Variants in RPUSD1 observed in about 807,000 individuals in gnomAD.
The protein encoded by RPUSD1 is pseudouridylate synthase RPUSD1.
In RPUSD1, 28 loss-of-function variants were observed where a neutral mutation model predicts 22.4. The observed-to-expected ratio is 1.25, with a 90% CI of 0.93 to 1.72. RPUSD1 has a LOEUF of 1.72. Among genes scored for constraint, RPUSD1 ranks in the 40% most tolerant of loss-of-function variants. The pLI is 0.00. For missense variants in RPUSD1, 596 were observed against 442.2 expected, an observed-to-expected ratio of 1.35 and a Z score of -3.12; for synonymous variants, 298 against 201.0, an observed-to-expected ratio of 1.48 and a Z score of -4.08.
chr16:786,631 A>G (rs756507476), intron 5 of RPUSD1, 196 bp downstream of exon 5: 4 of 734,928 alleles, frequency 5.4e-6, no homozygotes, highest in African/African-American at 1.7e-5. Flanking sequence ...CCAGACCCCC[A>G]AGGAATCAGT....
At position 786,134 on chromosome 16, in the gene RPUSD1, T is replaced by C. The variant is rs1333041369; in HGVS notation, c.755A>G (p.Gln252Arg). The C allele has an allele frequency of 6.2e-7, 1 of 1,607,352 alleles. No individual in the cohort carries two copies. Among genetic ancestry groups the C allele is most frequent in the East Asian group, 2.2e-5 (1 of 44,680 alleles). ...AGGGTCGGGGGTGGCCCGTAAGGCC[T>C]GCACGAGCTGGTCCAGCGACTGCAG... Reference protein sequence around the residue: ...TLLQSLDQLVQALRATPDPDP... With the variant: ...TLLQSLDQLVRALRATPDPDP... Residue 252 changes from glutamine to arginine, a missense_variant, in exon 6 of 6, where the codon CAG becomes CGG. Transcript: ENST00000007264.
rs960316121 is a variant in RPUSD1, at chr16:786,490, C to T, written c.512-113G>A. The T allele has an allele frequency of 1.2e-5, 13 of 1,066,814 alleles. No homozygotes were observed. The Admixed American group carries it at 1.3e-4, about 10-fold the overall frequency. 66.1% of individuals were successfully genotyped at this position (1,066,814 alleles called of 1,614,324 possible). On this transcript the variant is annotated intron_variant, in intron 5 of 5. Transcript: ENST00000007264. ...CCCCGCTGCAGTCTTGAAGCAGCCT[C>T]TTGGGGTGGAACTCTCCCTGTCCCC...
At position 787,188 on chromosome 16, in the gene RPUSD1, G is replaced by A. The variant is rs780360485; in HGVS notation, c.307-9C>T. On this transcript the variant is annotated splice_polypyrimidine_tract_variant and intron_variant, in intron 3 of 5. Transcript: ENST00000007264. ...TGGATGTGCCCCCGCAGCTGCAGGA[G>A]AGGGAGAATCGCACGCAGTTCACGG... 38 of 1,598,176 alleles carry A rather than the reference G, an allele frequency of 2.4e-5. No individual in the cohort carries two copies. Among genetic ancestry groups the A allele is most frequent in the Non-Finnish European group, 3.1e-5 (36 of 1,175,998 alleles).
Position 786,558 on chromosome 16 carries a change from T to A in RPUSD1, c.512-181A>T, listed in dbSNP as rs2041921181. 5.2e-6 allele frequency: 4 copies of A among 767,324 alleles called. No homozygotes were observed. The South Asian group carries it at 6.1e-5, about 12-fold the overall frequency. The allele number at this position is 767,324 out of a possible 1,614,324, so 47.5% of individuals were successfully genotyped here. ...ACAGTATTTAGGACAGAAGATTGTG[T>A]TCAGGTCACCACTGGTGAGGACAGG... On this transcript the variant is annotated intron_variant, in intron 5 of 5. Coordinates refer to ENST00000007264, the MANE Select transcript of RPUSD1 (RefSeq NM_058192.3).
chr16:788,201 C>A (rs747157615), intron 1 of RPUSD1, 55 bp downstream of exon 1: 6 of 402,168 alleles, frequency 1.5e-5, no homozygotes, highest in Admixed American at 1.5e-4. Flanking sequence ...GCCCGGTGGG[C>A]AGGCCGACCC....
chr16:786,193 G>A lies in RPUSD1; in HGVS notation c.696C>T (p.Pro232=), dbSNP rs772953421. ...VEVCTPDPFL[P]SLDACWSPHT... ...GGGGGCTCCAGCAGGCATCCAGGGA[G>A]GGCAGGAAGGGGTCAGGCGTGCAGA... The change falls in exon 6 of 6, where the codon CCC becomes CCT. Residue 232 remains proline, a synonymous_variant. Coordinates refer to ENST00000007264, the MANE Select transcript of RPUSD1 (RefSeq NM_058192.3). 1.9e-6 allele frequency: 3 copies of A among 1,612,714 alleles called. No homozygotes were observed. In the Admixed American group the frequency reaches 5.0e-5, roughly 27 times the overall value.
chr16:785,208 T>G lies in RPUSD1; in HGVS notation c.*742A>C, dbSNP rs951183887. The G allele has an allele frequency of 1.3e-5, 2 of 152,530 alleles. No homozygotes were observed. Among genetic ancestry groups the G allele is most frequent in the Non-Finnish European group, 2.9e-5 (2 of 68,276 alleles). 9.4% of individuals were successfully genotyped at this position (152,530 alleles called of 1,614,324 possible). On this transcript the variant is annotated 3_prime_UTR_variant, in exon 6 of 6. Transcript: ENST00000007264. ...GACTGCAGCAGGTTGGTGCTCACAG[T>G]GGATCTGAGGGATGGGCGTGCGTGG...
rs917662573 is a variant in RPUSD1, at chr16:786,908, T to C, written c.430A>G (p.Ser144Gly). ...GSQGCENPKP[S>G]LTDLVVLEHG... ...TCCAGAACCACGAGATCTGTGAGGC[T>C]TGGCTTTGGGTTCTCACAACCTGGG... The change falls in exon 5 of 6, where the codon AGC (serine) becomes GGC (glycine). Residue 144 changes from serine (S) to glycine (G), a missense_variant. Physicochemically the swap from Ser to Gly is moderately conservative, Grantham distance 56. Transcript: ENST00000007264. 1.2e-6 allele frequency: 2 copies of C among 1,613,078 alleles called. No homozygotes were observed. The highest frequency in any genetic ancestry group is 1.7e-5 in the Admixed American group (1 of 60,004).
In RPUSD1 at chr16:788,289, G is replaced by A; in HGVS notation, c.-41C>T. The A allele has an allele frequency of 4.1e-6, 1 of 245,604 alleles. No individual in the cohort carries two copies. Among genetic ancestry groups the A allele is most frequent in the Non-Finnish European group, 7.9e-6 (1 of 125,998 alleles). 15.2% of individuals were successfully genotyped at this position (245,604 alleles called of 1,614,324 possible). A position where few individuals can be genotyped will look rare whatever the true frequency, so the allele number is the denominator to read the frequency against. Reference sequence around the variant, plus strand: ...GGGCCGTGCAGTCCAGGCCCCCGATGCCGTGCCCGGCGCCGGCTCCAGCCG... The same window carrying A: ...GGGCCGTGCAGTCCAGGCCCCCGATACCGTGCCCGGCGCCGGCTCCAGCCG... On this transcript the variant is annotated 5_prime_UTR_variant, in exon 1 of 6. Coordinates refer to ENST00000007264, the MANE Select transcript of RPUSD1 (RefSeq NM_058192.3).
Position 787,377 on chromosome 16 carries a change from C to G in RPUSD1, c.283G>C (p.Val95Leu). The change falls in exon 3 of 6, where the codon GTG (valine) becomes CTG (leucine). Residue 95 changes from valine to leucine, a missense_variant. Transcript: ENST00000007264. ...SAYRCFKERR[V>L]TKAYLALLRG... ...ACCAATGCCAGGTAAGCCTTGGTCACGCGCCGCTCCTTGAAGCACCTGTAC... is the reference window on the plus strand; with the variant it reads ...ACCAATGCCAGGTAAGCCTTGGTCAGGCGCCGCTCCTTGAAGCACCTGTAC... The G allele has an allele frequency of 6.3e-7, 1 of 1,588,122 alleles. No homozygotes were observed. The highest frequency in any genetic ancestry group is 1.3e-5 in the African/African-American group (1 of 74,094).
At position 786,211 on chromosome 16, in the gene RPUSD1, C is replaced by A; in HGVS notation, c.678G>T (p.Thr226=). The A allele has an allele frequency of 1.2e-6, 2 of 1,612,718 alleles. No homozygotes were observed. Among genetic ancestry groups the A allele is most frequent in the Non-Finnish European group, 1.7e-6 (2 of 1,179,912 alleles). Residue 226 remains threonine (T), a synonymous_variant, in exon 6 of 6, where the codon ACG becomes ACT. Transcript: ENST00000007264. Reference sequence around the variant, plus strand: ...CCAGGGAGGGCAGGAAGGGGTCAGGCGTGCAGACCTCCACACACTCGGTGT... The same window carrying A: ...CCAGGGAGGGCAGGAAGGGGTCAGGAGTGCAGACCTCCACACACTCGGTGT... The part of the protein sequence containing the change: ...PTDTECVEVC[T]PDPFLPSLDA...
At position 786,371 on chromosome 16, in the gene RPUSD1, G is replaced by A. The variant is rs1354364073; in HGVS notation, c.518C>T (p.Thr173Ile). 6.2e-7 allele frequency: 1 copy of A among 1,604,324 alleles called. No homozygotes were observed. The stretch of plus-strand genomic sequence containing the variant: ...ACTGCAGTGCACGCGCAGCTGGTGT[G>A]TCCGGCCTGCGGGATGAGGGCGGTG... ...KVLLKPLTGR[T>I]HQLRVHCSAL... is the part of the protein sequence containing the mutation. Residue 173 changes from threonine (T) to isoleucine (I), a missense_variant, in exon 6 of 6, where the codon ACA (threonine) becomes ATA (isoleucine). Coordinates refer to ENST00000007264, the MANE Select transcript of RPUSD1 (RefSeq NM_058192.3).
intron 4 of RPUSD1, 58 bp downstream of exon 4, chr16:787,019 C>A: frequency 6.4e-7 from 1 of 1,566,256 alleles, no homozygotes; most frequent in Non-Finnish European, 8.7e-7. Flanking sequence ...TGGGTCCCTG[C>A]CTGCCCAGGC....
chr16:788,294 G>T lies in RPUSD1; in HGVS notation c.-46C>A. The T allele has an allele frequency of 4.2e-6, 1 of 240,514 alleles. No homozygotes were observed. Among genetic ancestry groups the T allele is most frequent in the Non-Finnish European group, 8.1e-6 (1 of 123,238 alleles). The allele number at this position is 240,514 out of a possible 1,614,324, so 14.9% of individuals were successfully genotyped here. ...GTGCAGTCCAGGCCCCCGATGCCGTGCCCGGCGCCGGCTCCAGCCGCGCGC... is the reference window on the plus strand; with the variant it reads ...GTGCAGTCCAGGCCCCCGATGCCGTTCCCGGCGCCGGCTCCAGCCGCGCGC... On this transcript the variant is annotated 5_prime_UTR_variant, in exon 1 of 6. Coordinates refer to ENST00000007264, the MANE Select transcript of RPUSD1 (RefSeq NM_058192.3).
At position 786,071 on chromosome 16, in the gene RPUSD1, G is replaced by GA. The variant is rs1299952708; in HGVS notation, c.817dup (p.Ser273PhefsTer19). 13 of 1,558,636 alleles carry GA rather than the reference G, an allele frequency of 8.3e-6. No homozygotes were observed. The East Asian group carries it at 2.7e-4, about 33-fold the overall frequency. On this transcript the variant is annotated frameshift_variant, in exon 6 of 6. Transcript: ENST00000007264. LOFTEE classifies it low-confidence loss of function (END_TRUNC). ...CCGGCCGGGCCCAGGCAGGAGTGCG[G>GA]AGGGGCTGCCTGGCCTGGGGCCCCT...
Position 787,110 on chromosome 16 carries a change from G to A in RPUSD1, c.376C>T (p.Arg126Trp), listed in dbSNP as rs751668704. The change falls in exon 4 of 6, where the codon CGG becomes TGG. Residue 126 changes from arginine to tryptophan, a missense_variant. Coordinates refer to ENST00000007264, the MANE Select transcript of RPUSD1 (RefSeq NM_058192.3). ...HAIGRNSTEGRAHTMCIEGSQ... is the reference protein window; with the variant it reads ...HAIGRNSTEGWAHTMCIEGSQ... The stretch of plus-strand genomic sequence containing the variant: ...CCCTCGATGCACATGGTGTGGGCCC[G>A]GCCCTCCGTGCTGTTCCTGCCAATG... 49 of 1,607,452 alleles carry A rather than the reference G, an allele frequency of 3.0e-5. No individual in the cohort carries two copies. Among genetic ancestry groups the A allele is most frequent in the South Asian group, 6.6e-5 (6 of 90,648 alleles).
rs1449417795 is a variant in RPUSD1, at chr16:787,483, G to C, written c.183-6C>G. The C allele has an allele frequency of 1.3e-6, 2 of 1,588,870 alleles. No homozygotes were observed. The highest frequency in any genetic ancestry group is 1.7e-6 in the Non-Finnish European group (2 of 1,167,918). On this transcript the variant is annotated splice_region_variant and splice_polypyrimidine_tract_variant and intron_variant, in intron 2 of 5. Transcript: ENST00000007264. The stretch of plus-strand genomic sequence containing the variant: ...AATCCAGCTGGTGGCAGAACCTGGA[G>C]TGGGACAGAGTCCAGAGTCTGAGCC...
rs145065846 is a variant in RPUSD1, at chr16:786,352, G to C, written c.537C>G (p.His179Gln). 1.2e-6 allele frequency: 2 copies of C among 1,610,452 alleles called. No homozygotes were observed. The highest frequency in any genetic ancestry group is 2.2e-5 in the East Asian group (1 of 44,766). ...CCACGGGGTGGCCCAGGGCACTGCA[G>C]TGCACGCGCAGCTGGTGTGTCCGGC... ...LTGRTHQLRV[H>Q]CSALGHPVVG... is the part of the protein sequence containing the mutation. The change falls in exon 6 of 6, where the codon CAC (histidine) becomes CAG (glutamine). Residue 179 changes from histidine to glutamine, a missense_variant. By Grantham distance (24) the His-to-Gln change is conservative (BLOSUM62 0). Transcript: ENST00000007264.
At position 787,366 on chromosome 16, in the gene RPUSD1, A is replaced by G; in HGVS notation, c.294T>C (p.Ala98=). The G allele has an allele frequency of 6.3e-7, 1 of 1,586,024 alleles. No homozygotes were observed. The change falls in exon 3 of 6, where the codon GCT becomes GCC. Residue 98 remains alanine, a synonymous_variant. Coordinates refer to ENST00000007264, the MANE Select transcript of RPUSD1 (RefSeq NM_058192.3). ...GACCAGGTCTTACCAATGCCAGGTA[A>G]GCCTTGGTCACGCGCCGCTCCTTGA... ...RCFKERRVTK[A]YLALLRGHIQ...
Sources: gnomAD v4.1 joint callset for allele counts on GRCh38, gnomAD v4.1.1 for gene constraint, MANE v1.5 for transcripts, NCBI Gene and HGNC (gene_info 2026-07-23, HGNC 2026-07-21) for gene names.